Variants in SAMD3 observed in about 807,000 individuals in gnomAD.
SAMD3 encodes sterile alpha motif domain containing 3.
SAMD3 carries 63 observed loss-of-function variants against 58.5 expected under a neutral mutation model. The observed-to-expected ratio is 1.08, with a 90% CI of 0.88 to 1.33. The LOEUF (loss-of-function observed/expected upper bound fraction) is 1.33, where lower values mean the gene tolerates loss of function less well. Among genes scored for constraint, SAMD3 ranks in the 40% most tolerant of loss-of-function variants. The pLI, the probability that SAMD3 is intolerant of heterozygous loss-of-function variation, is 0.00. For missense variants in SAMD3, 604 were observed against 608.4 expected, an observed-to-expected ratio of 0.99 and a Z score of 0.08; for synonymous variants, 220 against 210.3, an observed-to-expected ratio of 1.05 and a Z score of -0.40.
At chr6:130,175,101 A>C (rs945434644) in intron 8 of SAMD3, among the ~76,000 whole-genome samples, 1 of 152,254 alleles carries the variant, frequency 6.6e-6, no homozygotes, top group African/African-American at 2.4e-5. Context: ...ACATTGGATC[A>C]AGATAGAAAC....
At chr6:130,310,159 A>G (rs1330210190) in intron 2 of SAMD3, among the ~76,000 whole-genome samples, 2 of 152,208 alleles carry the variant, frequency 1.3e-5, no homozygotes, top group African/African-American at 4.8e-5. Flanking sequence ...TGGCATGCCT[A>G]TCCATTTGAA....
At chr6:130,232,065 A>G (rs889204846) in intron 2 of SAMD3, among the ~76,000 whole-genome samples, 8 of 152,130 alleles carry the variant, frequency 5.3e-5, no homozygotes, top group African/African-American at 1.9e-4. Flanking sequence ...ACTGTAGTAG[A>G]CATTACAGAT....
chr6:130,354,264 G>A (rs1261858726), intron 1 of SAMD3, among the ~76,000 whole-genome samples: 1 of 152,132 alleles, frequency 6.6e-6, no homozygotes, highest in Non-Finnish European at 1.5e-5. Context: ...AAAGAAGTGT[G>A]GTAATTCCTT....
intron 11 of SAMD3, 39 bp downstream of exon 11, chr6:130,145,301 G>A (rs542937030): frequency 1.0e-6 from 1 of 972,154 alleles, no homozygotes; most frequent in Non-Finnish European, 1.5e-6. Flanking sequence ...GCATGAAGAT[G>A]TAAAATGTCA....
intron 9 of SAMD3, among the ~76,000 whole-genome samples, chr6:130,150,972 A>G (rs749311295): frequency 8.7e-4 from 133 of 152,134 alleles, no homozygotes; most frequent in Non-Finnish European, 1.4e-3. Flanking sequence ...TCAGCCTCCC[A>G]AAGTGTTGGG....
rs765830853 is a variant in SAMD3 at position 130,176,016 on chromosome 6, A to G, written c.655-8T>C. The G allele has an allele frequency of 4.3e-6, 7 of 1,610,334 alleles. No homozygotes were observed. In the Admixed American group the frequency reaches 1.2e-4, roughly 27 times the overall value. Reference sequence around the variant, plus strand: ...GGCTCGTTTCCATAAAAACTGTAAAATAAAACAGACCAGTTAATCTTCAAG... The same window carrying G: ...GGCTCGTTTCCATAAAAACTGTAAAGTAAAACAGACCAGTTAATCTTCAAG... On this transcript the variant is annotated splice_region_variant and splice_polypyrimidine_tract_variant and intron_variant, in intron 7 of 11. Coordinates refer to ENST00000439090, the MANE Select transcript of SAMD3 (RefSeq NM_001017373.4).
chr6:130,166,027 G>C (rs1277713732), intron 8 of SAMD3, among the ~76,000 whole-genome samples: 1 of 152,148 alleles, frequency 6.6e-6, no homozygotes. Flanking sequence ...TCTCCATCCA[G>C]TTACAGCAGG....
intron 2 of SAMD3, among the ~76,000 whole-genome samples, chr6:130,307,668 A>G (rs1350965868): frequency 3.3e-5 from 5 of 152,248 alleles, no homozygotes. Context: ...ATTTTACTAC[A>G]GAATTAATTT....
intron 1 of SAMD3, among the ~76,000 whole-genome samples, chr6:130,329,093 A>G (rs1171763291): frequency 6.6e-6 from 1 of 151,588 alleles, no homozygotes; most frequent in African/African-American, 2.4e-5. Flanking sequence ...TTATCTGCCT[A>G]CTTATTTATA....
At chr6:130,352,617 G>A (rs1269021518) in intron 1 of SAMD3, among the ~76,000 whole-genome samples, 1 of 152,142 alleles carries the variant, frequency 6.6e-6, no homozygotes, top group East Asian at 1.9e-4. Flanking sequence ...GAAGATTATT[G>A]AAGAATATGA....
chr6:130,248,962 C>T (rs1027395095), intron 2 of SAMD3, among the ~76,000 whole-genome samples: 1 of 152,192 alleles, frequency 6.6e-6, no homozygotes, highest in African/African-American at 2.4e-5. Context: ...GTGTTTGTCT[C>T]ACCGAGCGTC....
At chr6:130,349,589 AC>A (rs1386099092) in intron 1 of SAMD3, among the ~76,000 whole-genome samples, 6 of 152,210 alleles carry the variant, frequency 3.9e-5, no homozygotes, top group Non-Finnish European at 5.9e-5. Context: ...TAGCTTACCA[AC>A]CAAAAAAAGT....
chr6:130,183,983 T>TGA (rs144208556), intron 7 of SAMD3, 120 bp downstream of exon 7: 282 of 700,234 alleles, frequency 4.0e-4, no homozygotes, highest in Non-Finnish European at 5.1e-4. Flanking sequence ...ATAGACAGAA[T>TGA]GAGAGAGAGA....
chr6:130,187,155 T>A (rs1793074510), intron 5 of SAMD3, among the ~76,000 whole-genome samples: 1 of 152,152 alleles, frequency 6.6e-6, no homozygotes, highest in African/African-American at 2.4e-5. Flanking sequence ...TTTTCCCCAG[T>A]GATTTTCAAG....
At chr6:130,324,929 G>T (rs910406676) in intron 1 of SAMD3, among the ~76,000 whole-genome samples, 98 of 152,130 alleles carry the variant, frequency 6.4e-4, no homozygotes, top group African/African-American at 2.1e-3. Flanking sequence ...AGGAGCCAGG[G>T]GTTCTTGTGT....
intron 1 of SAMD3, among the ~76,000 whole-genome samples, chr6:130,333,063 G>A (rs1776989226): frequency 6.6e-6 from 1 of 150,912 alleles, no homozygotes; most frequent in Admixed American, 6.6e-5. Flanking sequence ...GTGTGTGTGT[G>A]TGTGTGTGTG....
At chr6:130,147,154 C>T (rs571321365) in intron 9 of SAMD3, among the ~76,000 whole-genome samples, 1 of 152,240 alleles carries the variant, frequency 6.6e-6, no homozygotes, top group South Asian at 2.1e-4. Flanking sequence ...GTGGCATTAT[C>T]AGATTATTAG....
downstream of SAMD3, chr6:130,144,306 C>T (rs1173880314): frequency 9.6e-6 from 5 of 523,396 alleles, no homozygotes; most frequent in Non-Finnish European, 1.6e-5. Context: ...CAAAATAAAT[C>T]GACAGCTCTT....
At chr6:130,157,713 C>T (rs1486260545) in intron 8 of SAMD3, among the ~76,000 whole-genome samples, 1 of 151,968 alleles carries the variant, frequency 6.6e-6, no homozygotes, top group East Asian at 1.9e-4. Flanking sequence ...TCTTACTCAG[C>T]CTATACTGAA....
Sources: gnomAD v4.1 joint callset for allele counts (sites outside exome capture counted in the v4.1 genomes callset) on GRCh38, gnomAD v4.1.1 for gene constraint, MANE v1.5 for transcripts, NCBI Gene and HGNC (gene_info 2026-07-23, HGNC 2026-07-21) for gene names.